VPS13B: variants seen among roughly 807,000 people sequenced by gnomAD.
VPS13B encodes the protein vacuolar protein sorting 13 homolog B, also known as intermembrane lipid transfer protein VPS13B.
In VPS13B, 285 loss-of-function variants were observed where a neutral mutation model predicts 426.4. The observed-to-expected ratio is 0.67, with a 90% confidence interval of 0.61 to 0.74. The LOEUF (loss-of-function observed/expected upper bound fraction) is 0.74, where lower values mean the gene tolerates loss of function less well. Ranked by LOEUF, VPS13B falls within the 30% of genes least tolerant of loss-of-function variation. VPS13B has a pLI of 0.00. For missense variants in VPS13B, 4,537 were observed against 4,782.6 expected (o/e 0.95, Z 1.51); for synonymous variants, 1,676 against 1,676.4 (o/e 1.00, Z 0.01).
chr8:99,432,667 A>G (rs1364426677), intron 22 of VPS13B, among the ~76,000 whole-genome samples: 1 of 152,160 alleles, frequency 6.6e-6, no homozygotes, highest in Middle Eastern at 3.2e-3. Flanking sequence ...TTATTTATCA[A>G]TATTCTTGTT....
rs904802903 is a variant in VPS13B at position 99,337,705 on chromosome 8, A to T, written c.2825-46503A>T. On this transcript the variant is annotated intron_variant, in intron 19 of 61. Transcript: ENST00000357162. ...TTTTCATAACAATGTTTTACAAAGA[A>T]TAAAATTTTAATACCTTGGTAAATT... Among the ~76,000 whole-genome samples, 9 of 152,246 alleles carry T rather than the reference A, an allele frequency of 5.9e-5. No individual in the cohort carries two copies. In the East Asian group the frequency reaches 1.7e-3, roughly 29 times the overall value.
At chr8:99,140,851 A>G (rs187829629) in intron 12 of VPS13B, among the ~76,000 whole-genome samples, 149 of 152,254 alleles carry the variant, frequency 9.8e-4, no homozygotes, top group African/African-American at 3.4e-3. Context: ...TCTGACAATT[A>G]TTTTACTTTT....
chr8:99,045,363 G>A (rs961856811), intron 3 of VPS13B, among the ~76,000 whole-genome samples: 37 of 151,066 alleles, frequency 2.4e-4, no homozygotes, highest in African/African-American at 8.3e-4. Flanking sequence ...TCTGAGAATT[G>A]TCTGTTCATG....
intron 14 of VPS13B, among the ~76,000 whole-genome samples, chr8:99,155,044 G>A (rs1249319815): frequency 6.6e-6 from 1 of 151,522 alleles, no homozygotes; most frequent in Admixed American, 6.6e-5. Context: ...ACAAAAAGGT[G>A]GAAGATTTCC....
chr8:99,871,391 A>G (rs1049995412), intron 60 of VPS13B, 57 bp from the exon 61 acceptor site: 49 of 1,612,548 alleles, frequency 3.0e-5, no homozygotes, highest in African/African-American at 2.4e-4. Flanking sequence ...ATGAGCACTG[A>G]TAAGTGACCA....
At chr8:99,060,557 C>T (rs1011806355) in intron 3 of VPS13B, among the ~76,000 whole-genome samples, 3 of 150,768 alleles carry the variant, frequency 2.0e-5, no homozygotes, top group Admixed American at 1.3e-4. Flanking sequence ...TGCAGTGAGC[C>T]GAGATCACAC....
rs34752686 is a variant in VPS13B at position 99,474,183 on chromosome 8, A to ATTTT, written c.3666+6566_3666+6569dup. Among the ~76,000 whole-genome samples the ATTTT allele has an allele frequency of 5.0e-4, 63 of 124,964 alleles. 2 individuals carry two copies. Among genetic ancestry groups the ATTTT allele is most frequent in the African/African-American group, 1.2e-3 (37 of 30,752 alleles). The allele number at this position is 124,964 out of a possible 152,430, so 82.0% of individuals were successfully genotyped here. On this transcript the variant is annotated intron_variant, in intron 24 of 61. Coordinates refer to ENST00000357162, the MANE Select transcript of VPS13B (RefSeq NM_152564.5). Reference sequence around the variant, plus strand: ...TCTTCAAACAATGGACTGTTATCCAATTTTTTTTTTTTTTTTTTTTGTGGA... The same window carrying ATTTT: ...TCTTCAAACAATGGACTGTTATCCAATTTTTTTTTTTTTTTTTTTTTTTTGTGGA...
chr8:99,241,894 T>G (rs1299133956), intron 17 of VPS13B, among the ~76,000 whole-genome samples: 1 of 152,214 alleles, frequency 6.6e-6, no homozygotes, highest in Non-Finnish European at 1.5e-5. Flanking sequence ...GAAGCTTTTG[T>G]TTAAAATTAG....
rs1261374211 is a variant in VPS13B at position 99,441,848 on chromosome 8, C to A, written c.3211-553C>A. ...TATGATGTATTTATGTATAATAAAT[C>A]TGATACATGTATGTATACTTGAATC... is the stretch of plus-strand genomic sequence containing the variant. On this transcript the variant is annotated intron_variant, in intron 22 of 61. Coordinates refer to ENST00000357162, the MANE Select transcript of VPS13B (RefSeq NM_152564.5). Among the ~76,000 whole-genome samples, 4 of 152,052 alleles carry A rather than the reference C, an allele frequency of 2.6e-5. No individual in the cohort carries two copies. The East Asian group carries it at 7.7e-4, about 29-fold the overall frequency.
intron 17 of VPS13B, among the ~76,000 whole-genome samples, chr8:99,234,647 A>C (rs555191225): frequency 2.6e-5 from 4 of 152,224 alleles, no homozygotes; most frequent in African/African-American, 9.6e-5. Flanking sequence ...TGAAAGTCTA[A>C]TTTTTCTAAG....
chr8:99,192,975 A>G lies in VPS13B; in HGVS notation c.2433A>G (p.Ile811Met), dbSNP rs540795071. 9.9e-6 allele frequency: 16 copies of G among 1,613,616 alleles called. No homozygotes were observed. Among genetic ancestry groups the G allele is most frequent in the African/African-American group, 1.3e-5 (1 of 74,908 alleles). The change falls in exon 17 of 62, where the codon ATA becomes ATG. Residue 811 changes from isoleucine (I) to methionine (M), a missense_variant. Physicochemically the swap from Ile to Met is conservative, Grantham distance 10 (BLOSUM62 1). This residue lies in a region of VPS13B where 4,311 missense variants were observed against 4,474.3 expected (regional missense o/e 0.96). Coordinates refer to ENST00000357162, the MANE Select transcript of VPS13B (RefSeq NM_152564.5). ...TRAQTLLLQA[I>M]YQSWSHLGNV... ...CACAGACACTTCTCTTGCAAGCAAT[A>G]TATCAAAGTTGGTCTCATCTTGGAA...
rs533372130 is a variant in VPS13B, at chr8:99,559,724, C to T, written c.4949+3071C>T. ...CAAAGATCAGATGGTTGTAGATACG[C>T]GGCATTATTTCTGAGGGCTCTATTC... On this transcript the variant is annotated intron_variant, in intron 31 of 61. Transcript: ENST00000357162. 1.3e-4 allele frequency among the ~76,000 whole-genome samples: 20 copies of T among 152,104 alleles called. No individual in the cohort carries two copies. The South Asian group carries it at 2.5e-3, about 19-fold the overall frequency.
In VPS13B at chr8:99,668,807, C is replaced by T. The variant is rs1196477082; in HGVS notation, c.6046+7316C>T. Among the ~76,000 whole-genome samples the T allele has an allele frequency of 3.9e-5, 6 of 152,192 alleles. No homozygotes were observed. The East Asian group carries it at 7.7e-4, about 20-fold the overall frequency. On this transcript the variant is annotated intron_variant, in intron 35 of 61. Transcript: ENST00000357162. ...GGAACAAATTGGAACCATTGCAGTT[C>T]GGCAATCCTGGTTTCTTTCAAGCTG...
chr8:99,472,258 G>C (rs902921657), intron 24 of VPS13B, among the ~76,000 whole-genome samples: 1 of 152,032 alleles, frequency 6.6e-6, no homozygotes, highest in African/African-American at 2.4e-5. Flanking sequence ...CACTCACCTT[G>C]ATCTAATTGG....
intron 16 of VPS13B, among the ~76,000 whole-genome samples, chr8:99,173,555 T>G (rs985329264): frequency 2.0e-5 from 3 of 152,190 alleles, no homozygotes; most frequent in East Asian, 3.9e-4. Flanking sequence ...GAGATAGATC[T>G]TCCTTCCAAA....
rs2130865452 is a variant in VPS13B at position 99,835,237 on chromosome 8, T to C, written c.9655T>C (p.Tyr3219His). Residue 3219 changes from tyrosine (Y) to histidine (H), a missense_variant, in exon 53 of 62, where the codon TAT becomes CAT. Physicochemically the swap from Tyr to His is moderately conservative, Grantham distance 83. Transcript: ENST00000357162. ...ATATCAAGAACACCTCGGAGTGACT[T>C]ATTTAACCCTCTCAGAAGACCCTAG... Reference protein sequence around the residue: ...LTYQEHLGVTYLTLSEDPSPR... With the variant: ...LTYQEHLGVTHLTLSEDPSPR... The C allele has an allele frequency of 1.2e-6, 2 of 1,614,058 alleles. No homozygotes were observed. The highest frequency in any genetic ancestry group is 1.3e-5 in the African/African-American group (1 of 75,038).
intron 5 of VPS13B, among the ~76,000 whole-genome samples, chr8:99,110,133 T>G (rs1329305490): frequency 6.6e-6 from 1 of 152,126 alleles, no homozygotes. Flanking sequence ...TAGACACATC[T>G]TCTTTAATTT....
chr8:99,378,528 C>T (rs1385371806), intron 19 of VPS13B, among the ~76,000 whole-genome samples: 2 of 152,058 alleles, frequency 1.3e-5, no homozygotes, highest in Admixed American at 6.6e-5. Flanking sequence ...ATGAAATCTT[C>T]ACAATTTATG....
At chr8:99,578,192 A>G (rs1825865700) in intron 33 of VPS13B, among the ~76,000 whole-genome samples, 1 of 152,158 alleles carries the variant, frequency 6.6e-6, no homozygotes, top group African/African-American at 2.4e-5. Flanking sequence ...TATTTGTTAG[A>G]TTCTTCTCAA....
Sources: gnomAD v4.1 joint callset for allele counts (sites outside exome capture counted in the v4.1 genomes callset) on GRCh38, gnomAD v4.1.1 for gene constraint, gnomAD v4.1.1 regional missense constraint, MANE v1.5 for transcripts, NCBI Gene and HGNC (gene_info 2026-07-23, HGNC 2026-07-21) for gene names.